BDH1: variants seen among roughly 807,000 people sequenced by gnomAD.
BDH1 encodes the protein 3-hydroxybutyrate dehydrogenase 1, also known as D-beta-hydroxybutyrate dehydrogenase, mitochondrial.
Under a neutral mutation model 33.1 loss-of-function variants are expected in BDH1, and 30 were observed. That is an observed-to-expected ratio of 0.91 (90% CI 0.68 to 1.23). BDH1 has a LOEUF of 1.23. BDH1 is among the 50% of genes most tolerant of loss of function. BDH1 has a pLI of 0.00. For synonymous variants in BDH1, 190 were observed against 183.6 expected, an observed-to-expected ratio of 1.03 and a Z score of -0.28; for missense variants, 443 against 464.4, an observed-to-expected ratio of 0.95 and a Z score of 0.42.
intron 4 of BDH1, among the ~76,000 whole-genome samples, chr3:197,532,885 C>T (rs1714799439): frequency 6.6e-6 from 1 of 152,000 alleles, no homozygotes; most frequent in Admixed American, 6.6e-5. Flanking sequence ...AACTCTTCTT[C>T]TTTTTTTTGA....
intron 3 of BDH1, among the ~76,000 whole-genome samples, chr3:197,540,487 G>A (rs1057036894): frequency 6.6e-6 from 1 of 151,724 alleles, no homozygotes; most frequent in South Asian, 2.1e-4. Context: ...TGGCCAACAT[G>A]GTGAAACCCC....
rs532964089 is a variant in BDH1, at chr3:197,546,603, TC to T, written c.-43-118del. 1.8e-3 allele frequency: 1,148 copies of T among 648,094 alleles called. 27 individuals carry two copies. The Admixed American group carries it at 0.028, about 16-fold the overall frequency. 40.1% of individuals were successfully genotyped at this position (648,094 alleles called of 1,614,324 possible). A position where few individuals can be genotyped will look rare whatever the true frequency, so the allele number is the denominator to read the frequency against. ...CTGGGCTGCATCTGTTCCACCCAGC[TC>T]CAGTCCTGGTACCACCAGGTAGTCC... On this transcript the variant is annotated intron_variant, in intron 2 of 7. Coordinates refer to ENST00000392379, the MANE Select transcript of BDH1 (RefSeq NM_203314.3).
chr3:197,522,093 C>G lies in BDH1; in HGVS notation c.409+547G>C, dbSNP rs1187732028. Among the ~76,000 whole-genome samples, 2 of 152,222 alleles carry G rather than the reference C, an allele frequency of 1.3e-5. No homozygotes were observed. The highest frequency in any genetic ancestry group is 3.8e-4 in the East Asian group (2 of 5,196). On this transcript the variant is annotated intron_variant, in intron 6 of 7. Transcript: ENST00000392379. The surrounding 1 kb of genome is among the most constrained non-coding windows in gnomAD (Gnocchi z 4.8). ...CTTGACCAACAGCCCCCGCTACCCT[C>G]CCCGTGCTCCTCGAAGCTGTGGTTC...
rs1178948970 is a variant in BDH1, at chr3:197,512,259, C to T, written c.668G>A (p.Arg223His). 3 of 1,613,242 alleles carry T rather than the reference C, an allele frequency of 1.9e-6. No individual in the cohort carries two copies. ...CACGCCCAGGGGGTACATCTCATAG[C>T]GCAGGCAGTCCGAGAAAGCCTCTAC... is the stretch of plus-strand genomic sequence containing the variant. ...FGVEAFSDCLRYEMYPLGVKV... is the reference protein window; with the variant it reads ...FGVEAFSDCLHYEMYPLGVKV... The change falls in exon 8 of 8, where the codon CGC becomes CAC. Residue 223 changes from arginine to histidine, a missense_variant. By Grantham distance (29) the Arg-to-His change is conservative. Coordinates refer to ENST00000392379, the MANE Select transcript of BDH1 (RefSeq NM_203314.3).
intron 5 of BDH1, among the ~76,000 whole-genome samples, chr3:197,527,639 C>T (rs1261752389): frequency 6.6e-6 from 1 of 152,186 alleles, no homozygotes; most frequent in Non-Finnish European, 1.5e-5. Context: ...ACTCCCCCCT[C>T]ATTCTGCTTC....
intron 2 of BDH1, among the ~76,000 whole-genome samples, chr3:197,553,307 G>A (rs1167546558): frequency 6.7e-6 from 1 of 150,148 alleles, no homozygotes; most frequent in African/African-American, 2.4e-5. Flanking sequence ...GAGGTGGGCA[G>A]ATCACGAGGT....
chr3:197,512,397 G>T, intron 7 of BDH1, 33 bp from the exon 8 acceptor site: 2 of 1,569,076 alleles, frequency 1.3e-6, no homozygotes, highest in Non-Finnish European at 1.7e-6. Context: ...CTGCTAAGCC[G>T]TTACTGCCCT....
intron 5 of BDH1, among the ~76,000 whole-genome samples, chr3:197,531,332 G>A (rs995385754): frequency 4.0e-5 from 6 of 151,342 alleles, no homozygotes; most frequent in African/African-American, 7.3e-5. Flanking sequence ...GGAGGCAGAG[G>A]TTGCAGTGAG....
chr3:197,564,757 A>G (rs1056585336), intron 1 of BDH1, among the ~76,000 whole-genome samples: 1 of 152,208 alleles, frequency 6.6e-6, no homozygotes, highest in Non-Finnish European at 1.5e-5. Context: ...GCCCATGTCA[A>G]ATTAACAAGG....
chr3:197,536,808 A>C (rs1715197448), intron 3 of BDH1, among the ~76,000 whole-genome samples: 1 of 152,238 alleles, frequency 6.6e-6, no homozygotes. Flanking sequence ...GCACCATTGC[A>C]CTGCAGCCTG....
rs532092659 is a variant in BDH1 at position 197,535,736 on chromosome 3, T to G, written c.84-2175A>C. ...CCCAGGACCCAAAGATTTTCTTCTA[T>G]GTTCTTTTCTAAAAGTTTTATAGTT... is the stretch of plus-strand genomic sequence containing the variant. On this transcript the variant is annotated intron_variant, in intron 3 of 7. Coordinates refer to ENST00000392379, the MANE Select transcript of BDH1 (RefSeq NM_203314.3). Among the ~76,000 whole-genome samples the G allele has an allele frequency of 3.3e-5, 5 of 152,326 alleles. No homozygotes were observed. In the East Asian group the frequency reaches 9.6e-4, roughly 29 times the overall value.
intron 2 of BDH1, among the ~76,000 whole-genome samples, chr3:197,547,995 T>C (rs1236890059): frequency 6.6e-6 from 1 of 152,210 alleles, no homozygotes; most frequent in Admixed American, 6.5e-5. Flanking sequence ...TTCTACTAGA[T>C]CCTAAGCTCA....
upstream of BDH1, among the ~76,000 whole-genome samples, chr3:197,556,580 A>C (rs572517864): frequency 4.6e-5 from 7 of 152,354 alleles, no homozygotes; most frequent in East Asian, 1.3e-3. Context: ...AGGCAGGAGA[A>C]TCGCTTGAAC....
Position 197,512,065 on chromosome 3 carries a change from A to G in BDH1, c.862T>C (p.Cys288Arg). The G allele has an allele frequency of 6.2e-7, 1 of 1,614,204 alleles. No homozygotes were observed. Among genetic ancestry groups the G allele is most frequent in the Non-Finnish European group, 8.5e-7 (1 of 1,180,034 alleles). Reference protein sequence around the residue: ...DEKIAKMETYCSSGSTDTSPV... With the variant: ...DEKIAKMETYRSSGSTDTSPV... Reference sequence around the variant, plus strand: ...GACGTGTCTGTGGAGCCACTGCTGCAGTAGGTCTCCATCTTGGCGATCTTT... The same window carrying G: ...GACGTGTCTGTGGAGCCACTGCTGCGGTAGGTCTCCATCTTGGCGATCTTT... The change falls in exon 8 of 8, where the codon TGC (cysteine) becomes CGC (arginine). Residue 288 changes from cysteine to arginine, a missense_variant. By Grantham distance (180) the Cys-to-Arg change is radical (BLOSUM62 -3). Coordinates refer to ENST00000392379, the MANE Select transcript of BDH1 (RefSeq NM_203314.3).
At chr3:197,512,669 G>A (rs1712204505) in intron 7 of BDH1, among the ~76,000 whole-genome samples, 1 of 152,202 alleles carries the variant, frequency 6.6e-6, no homozygotes, top group Non-Finnish European at 1.5e-5. Context: ...GTGATAATTT[G>A]GGGTGAAAAC....
At chr3:197,552,292 C>T (rs1350633520) in intron 2 of BDH1, among the ~76,000 whole-genome samples, 3 of 152,198 alleles carry the variant, frequency 2.0e-5, no homozygotes, top group African/African-American at 7.2e-5. Flanking sequence ...AAGCCTTCAT[C>T]CCTTCTTGCC....
At chr3:197,546,529 G>A (rs1191783244) in intron 2 of BDH1, 43 bp from the exon 3 acceptor site, 15 of 1,377,648 alleles carry the variant, frequency 1.1e-5, no homozygotes, top group East Asian at 2.3e-5. Context: ...GTTGCCTTCC[G>A]GGCTTTAATC....
chr3:197,536,228 A>G (rs1471857344), intron 3 of BDH1, among the ~76,000 whole-genome samples: 1 of 152,154 alleles, frequency 6.6e-6, no homozygotes, highest in East Asian at 1.9e-4. Flanking sequence ...TTGGTTGGGC[A>G]TATTTGGGTG....
chr3:197,538,602 T>A (rs1485455851), intron 3 of BDH1: 1 of 299,844 alleles, frequency 3.3e-6, no homozygotes, highest in Non-Finnish European at 6.6e-6. Flanking sequence ...TCCGCCTGCC[T>A]CGGCCTCCCA....
Sources: allele counts gnomAD v4.1 joint callset (sites outside exome capture counted in the v4.1 genomes callset), GRCh38; gene constraint gnomAD v4.1.1; non-coding constraint Gnocchi (gnomAD v3.1); transcripts MANE v1.5; gene names NCBI Gene and HGNC (gene_info 2026-07-23, HGNC 2026-07-21).